Variants in TMPRSS15 observed in about 807,000 individuals in gnomAD.
TMPRSS15 encodes the protein transmembrane serine protease 15, also known as enteropeptidase.
In TMPRSS15, 128 loss-of-function variants were observed where a neutral mutation model predicts 125.3. The observed-to-expected ratio is 1.02, with a 90% CI of 0.89 to 1.18. TMPRSS15 has a LOEUF of 1.18. Among genes scored for constraint, TMPRSS15 ranks in the 50% most tolerant of loss-of-function variants. TMPRSS15 has a pLI of 0.00. For missense variants in TMPRSS15, 1,283 were observed against 1,212.7 expected (o/e 1.06, Z -0.86); for synonymous variants, 446 against 423.2 (o/e 1.05, Z -0.66).
At chr21:18,332,308 G>C (rs2075353654) in intron 13 of TMPRSS15, 135 bp from the exon 14 acceptor site, 4 of 751,230 alleles carry the variant, frequency 5.3e-6, no homozygotes, top group Admixed American at 4.1e-5. Context: ...GTCATGTTAG[G>C]GTAAATGCTG....
At chr21:18,311,130 A>G (rs1031670135) in intron 18 of TMPRSS15, among the ~76,000 whole-genome samples, 1 of 152,064 alleles carries the variant, frequency 6.6e-6, no homozygotes, top group African/African-American at 2.4e-5. Flanking sequence ...TGTTGAAACC[A>G]CTAGAATAAA....
chr21:18,365,978 G>T (rs576395578), intron 6 of TMPRSS15, among the ~76,000 whole-genome samples: 1 of 151,796 alleles, frequency 6.6e-6, no homozygotes, highest in African/African-American at 2.4e-5. Context: ...TAGGTGATCT[G>T]CACTCCTAGG....
At chr21:18,394,885 A>G (rs139046464) in intron 3 of TMPRSS15, among the ~76,000 whole-genome samples, 309 of 152,236 alleles carry the variant, frequency 2.0e-3, no homozygotes, top group African/African-American at 7.1e-3. Context: ...GTATTTTTCT[A>G]TATGCTAACT....
rs1020683310 is a variant in TMPRSS15 at position 18,298,897 on chromosome 21, G to T, written c.2166-1068C>A. On this transcript the variant is annotated intron_variant, in intron 18 of 24. Transcript: ENST00000284885. ...TCAAAGCTTTTCTGATCAATTAGAAGATACGAACTATTTAGAAAGTGGTTC... is the reference window on the plus strand; with the variant it reads ...TCAAAGCTTTTCTGATCAATTAGAATATACGAACTATTTAGAAAGTGGTTC... Among the ~76,000 whole-genome samples the T allele has an allele frequency of 2.6e-5, 4 of 152,192 alleles. No individual in the cohort carries two copies. The East Asian group carries it at 5.8e-4, about 22-fold the overall frequency.
intron 1 of TMPRSS15, among the ~76,000 whole-genome samples, chr21:18,400,977 A>T (rs1242423540): frequency 1.3e-5 from 2 of 152,192 alleles, no homozygotes; most frequent in African/African-American, 4.8e-5. Context: ...TATTTTAAAA[A>T]ATACTCATCA....
chr21:18,420,840 G>C (rs2076190681), intron 1 of TMPRSS15, among the ~76,000 whole-genome samples: 2 of 152,200 alleles, frequency 1.3e-5, no homozygotes, highest in South Asian at 4.1e-4. Flanking sequence ...TGCTATGTAG[G>C]CTTTCTCCGT....
intron 3 of TMPRSS15, among the ~76,000 whole-genome samples, chr21:18,391,935 C>T (rs180969658): frequency 8.2e-4 from 125 of 152,040 alleles, no homozygotes; most frequent in African/African-American, 2.7e-3. Flanking sequence ...AGAGCTTGCA[C>T]CCTCTTAAGC....
rs185480891 is a variant in TMPRSS15, at chr21:18,380,000, G to A, written c.497-682C>T. The stretch of plus-strand genomic sequence containing the variant: ...GTTTGAAATTGTAGCTTGAAAGATG[G>A]GATGAAGAAAATGCTGGAATAGAGT... On this transcript the variant is annotated intron_variant, in intron 4 of 24. Coordinates refer to ENST00000284885, the MANE Select transcript of TMPRSS15 (RefSeq NM_002772.3). Among the ~76,000 whole-genome samples, 51 of 151,952 alleles carry A rather than the reference G, an allele frequency of 3.4e-4. No homozygotes were observed. In the East Asian group the frequency reaches 8.1e-3, roughly 24 times the overall value.
intron 10 of TMPRSS15, among the ~76,000 whole-genome samples, chr21:18,349,927 A>C (rs2075547543): frequency 6.6e-6 from 1 of 152,176 alleles, no homozygotes; most frequent in Non-Finnish European, 1.5e-5. Flanking sequence ...GAGTTACTTT[A>C]TCTCTTATTA....
intron 10 of TMPRSS15, among the ~76,000 whole-genome samples, chr21:18,352,019 A>G (rs2075574644): frequency 6.6e-6 from 1 of 152,062 alleles, no homozygotes; most frequent in Admixed American, 6.6e-5. Context: ...TCAGCAAGTC[A>G]TATTATAAGA....
intron 18 of TMPRSS15, among the ~76,000 whole-genome samples, chr21:18,308,443 C>T (rs2075060101): frequency 6.6e-6 from 1 of 151,140 alleles, no homozygotes; most frequent in African/African-American, 2.4e-5. Flanking sequence ...TATGCATAAA[C>T]CAAATCGATT....
intron 3 of TMPRSS15, among the ~76,000 whole-genome samples, chr21:18,394,795 G>A (rs1471139615): frequency 1.3e-5 from 2 of 152,026 alleles, no homozygotes; most frequent in Non-Finnish European, 2.9e-5. Flanking sequence ...GGATAGATCA[G>A]TACACCTTTA....
intron 8 of TMPRSS15, among the ~76,000 whole-genome samples, chr21:18,358,386 G>A (rs1489149750): frequency 6.6e-6 from 1 of 151,808 alleles, no homozygotes; most frequent in East Asian, 1.9e-4. Flanking sequence ...ATATGGTAAA[G>A]TTTATTAATG....
chr21:18,393,740 C>T (rs529892375), intron 3 of TMPRSS15, among the ~76,000 whole-genome samples: 95 of 152,286 alleles, frequency 6.2e-4, no homozygotes, highest in African/African-American at 2.3e-3. Flanking sequence ...ATAAATTACT[C>T]ATGCCTAATT....
intron 19 of TMPRSS15, among the ~76,000 whole-genome samples, chr21:18,296,741 G>T (rs2074912324): frequency 6.6e-6 from 1 of 152,164 alleles, no homozygotes; most frequent in Non-Finnish European, 1.5e-5. Flanking sequence ...TACAGGAAAG[G>T]AAATCTAGAA....
At chr21:18,278,937 T>G in intron 23 of TMPRSS15, 27 bp downstream of exon 23, 1 of 930,194 alleles carries the variant, frequency 1.1e-6, no homozygotes, top group Non-Finnish European at 1.6e-6. Context: ...TTTTTTTTTT[T>G]TTTTTTTTTT....
At chr21:18,365,987 G>C (rs1414423006) in intron 6 of TMPRSS15, among the ~76,000 whole-genome samples, 2 of 151,680 alleles carry the variant, frequency 1.3e-5, no homozygotes, top group East Asian at 3.9e-4. Flanking sequence ...TGCACTCCTA[G>C]GACTCCCAAA....
At chr21:18,448,156 C>T (rs2076259519) in intron 1 of TMPRSS15, among the ~76,000 whole-genome samples, 1 of 152,124 alleles carries the variant, frequency 6.6e-6, no homozygotes, top group Non-Finnish European at 1.5e-5. Flanking sequence ...GAGGTATCTA[C>T]ATTTCTATGT....
At chr21:18,306,029 A>C (rs983523998) in intron 18 of TMPRSS15, among the ~76,000 whole-genome samples, 1 of 152,210 alleles carries the variant, frequency 6.6e-6, no homozygotes, top group Non-Finnish European at 1.5e-5. Flanking sequence ...TTCTGTGCTG[A>C]AGTTGCAAAT....
Sources: gnomAD v4.1 joint callset for allele counts (sites outside exome capture counted in the v4.1 genomes callset) on GRCh38, gnomAD v4.1.1 for gene constraint, MANE v1.5 for transcripts, NCBI Gene and HGNC (gene_info 2026-07-23, HGNC 2026-07-21) for gene names.